Variants in STK33 observed in about 807,000 individuals in gnomAD.
STK33 encodes serine/threonine-protein kinase 33.
STK33 carries 52 observed loss-of-function variants against 58.0 expected under a neutral mutation model. The observed-to-expected ratio is 0.90, with a 90% confidence interval of 0.72 to 1.13. The LOEUF (loss-of-function observed/expected upper bound fraction) is 1.13, where lower values mean the gene tolerates loss of function less well. Ranked by LOEUF, STK33 falls within the 50% of genes most tolerant of loss-of-function variation. STK33 has a pLI of 0.00. For missense variants in STK33, 630 were observed against 604.2 expected (o/e 1.04, Z -0.45); for synonymous variants, 215 against 200.1 (o/e 1.07, Z -0.63).
chr11:8,481,253 A>G (rs1213270536), intron 1 of STK33, among the ~76,000 whole-genome samples: 1 of 152,216 alleles, frequency 6.6e-6, no homozygotes, highest in African/African-American at 2.4e-5. Flanking sequence ...AACTCCAAAC[A>G]GTCTACAACA....
chr11:8,529,044 C>G (rs540182496), intron 1 of STK33, among the ~76,000 whole-genome samples: 53 of 152,296 alleles, frequency 3.5e-4, no homozygotes, highest in African/African-American at 1.1e-3. Flanking sequence ...GGCTATATGG[C>G]TTGCCCAAGG....
the STK33 span, among the ~76,000 whole-genome samples, chr11:8,340,844 CTTTTG>C: frequency 5.3e-5 from 8 of 152,060 alleles, no homozygotes; most frequent in East Asian, 1.9e-4. Context: ...AGGGGCCTAG[CTTTTG>C]TTTTGTTTTG....
intron 1 of STK33, among the ~76,000 whole-genome samples, chr11:8,557,557 G>A (rs1254461674): frequency 6.6e-6 from 1 of 151,938 alleles, no homozygotes; most frequent in African/African-American, 2.4e-5. Flanking sequence ...AATTCCTAGT[G>A]CAACTACTAA....
chr11:8,581,355 A>T (rs2030209419), intron 1 of STK33, among the ~76,000 whole-genome samples: 1 of 151,926 alleles, frequency 6.6e-6, no homozygotes, highest in Admixed American at 6.6e-5. Context: ...CCATATATAT[A>T]AAAAAAATAG....
intron 14 of STK33, among the ~76,000 whole-genome samples, chr11:8,421,726 T>G (rs1286028452): frequency 6.6e-6 from 1 of 152,228 alleles, no homozygotes; most frequent in African/African-American, 2.4e-5. Context: ...TTTATATTTA[T>G]GTATTCTTCA....
chr11:8,491,605 T>C (rs144108658), intron 1 of STK33, among the ~76,000 whole-genome samples: 2,884 of 152,204 alleles, frequency 0.019, 84 homozygotes, highest in African/African-American at 0.065. Flanking sequence ...ACCATAAAGA[T>C]ATTCCTTGAG....
intron 8 of STK33, among the ~76,000 whole-genome samples, chr11:8,457,746 G>T (rs1483124623): frequency 2.0e-5 from 3 of 152,200 alleles, no homozygotes; most frequent in Non-Finnish European, 4.4e-5. Context: ...AGTTACAGAA[G>T]AGGGGCAGCC....
the STK33 span, among the ~76,000 whole-genome samples, chr11:8,339,593 G>A: frequency 6.6e-6 from 1 of 152,218 alleles, no homozygotes; most frequent in Non-Finnish European, 1.5e-5. Flanking sequence ...CCCTGCGCTC[G>A]GCGGCAGAGG....
chr11:8,452,876 G>A lies in STK33; in HGVS notation c.817C>T (p.Gln273Ter). 6.2e-7 allele frequency: 1 copy of A among 1,614,082 alleles called. No individual in the cohort carries two copies. ...TGCAGCATGGCTTCACTCCTACTTT[G>A]CTTCTTCACCGCTAAGCCAAAATCA... The part of the protein sequence containing the change: ...VTDFGLAVKK[Q>*]SRSEAMLQAT... Residue 273 changes from glutamine to a stop codon, truncating the protein, a stop_gained, in exon 11 of 16, where the codon CAA becomes TAA. Transcript: ENST00000687296. LOFTEE classifies it high-confidence loss of function.
intron 1 of STK33, among the ~76,000 whole-genome samples, chr11:8,539,203 T>C (rs983003051): frequency 2.0e-5 from 3 of 152,130 alleles, no homozygotes; most frequent in Non-Finnish European, 2.9e-5. Flanking sequence ...GATAACTTTG[T>C]TAAAAAACAA....
chr11:8,518,377 C>T (rs964881945), intron 1 of STK33, among the ~76,000 whole-genome samples: 1 of 152,144 alleles, frequency 6.6e-6, no homozygotes, highest in African/African-American at 2.4e-5. Flanking sequence ...GTACCAGCCA[C>T]TGCAAAAAAC....
chr11:8,459,585 TGAGA>T (rs1192223992), intron 8 of STK33, among the ~76,000 whole-genome samples: 1 of 152,106 alleles, frequency 6.6e-6, no homozygotes, highest in African/African-American at 2.4e-5. Flanking sequence ...TAGTTATTCC[TGAGA>T]GAGAGGAAAT....
At chr11:8,538,421 C>G (rs1447668827) in intron 1 of STK33, among the ~76,000 whole-genome samples, 1 of 152,160 alleles carries the variant, frequency 6.6e-6, no homozygotes, top group Non-Finnish European at 1.5e-5. Context: ...CGTCTGCCTC[C>G]AAAGTCCATG....
At chr11:8,471,080 C>T (rs1948732364) in intron 6 of STK33, among the ~76,000 whole-genome samples, 1 of 152,124 alleles carries the variant, frequency 6.6e-6, no homozygotes, top group East Asian at 1.9e-4. Context: ...ATGAAGTATG[C>T]CTATATTTTG....
rs575601343 is a variant in STK33 at position 8,394,913 on chromosome 11, G to A, written c.1345-2203C>T. On this transcript the variant is annotated intron_variant, in intron 15 of 15. Coordinates refer to ENST00000687296, the MANE Select transcript of STK33 (RefSeq NM_001352389.2). ...TCTTAAATAGATAGTACATCCCCAT[G>A]ATTAAATATTCACAATGTTCAAAAT... 1.2e-4 allele frequency among the ~76,000 whole-genome samples: 18 copies of A among 152,224 alleles called. No individual in the cohort carries two copies. In the South Asian group the frequency reaches 3.1e-3, roughly 26 times the overall value.
At chr11:8,553,152 C>T (rs1229898673) in intron 1 of STK33, among the ~76,000 whole-genome samples, 3 of 86,490 alleles carry the variant, frequency 3.5e-5, no homozygotes, top group Non-Finnish European at 4.6e-5. Flanking sequence ...AGGGAGACTC[C>T]GTCTCCAAAA....
chr11:8,572,094 G>A (rs1314201493), intron 1 of STK33, among the ~76,000 whole-genome samples: 1 of 150,600 alleles, frequency 6.6e-6, no homozygotes, highest in Non-Finnish European at 1.5e-5. Flanking sequence ...AACTATCCAA[G>A]GCTCGTGTTG....
At chr11:8,435,831 C>G (rs1250978270) in intron 13 of STK33, among the ~76,000 whole-genome samples, 196 bp downstream of exon 13, 1 of 152,128 alleles carries the variant, frequency 6.6e-6, no homozygotes, top group Non-Finnish European at 1.5e-5. Context: ...TTAACTTTTA[C>G]TATGTATTTT....
the STK33 span, among the ~76,000 whole-genome samples, chr11:8,368,314 A>T: frequency 6.6e-6 from 1 of 152,186 alleles, no homozygotes; most frequent in East Asian, 1.9e-4. Flanking sequence ...ACTGAGTTTC[A>T]AAAACAAGAT....
Sources: allele counts gnomAD v4.1 joint callset (sites outside exome capture counted in the v4.1 genomes callset), GRCh38; gene constraint gnomAD v4.1.1; transcripts MANE v1.5; gene names NCBI Gene and HGNC (gene_info 2026-07-23, HGNC 2026-07-21).